The following SMIM13 variants were observed in gnomAD, a reference collection of about 807,000 sequenced individuals.
The protein encoded by SMIM13 is UPF0766 protein C6orf228.
In SMIM13, 3 loss-of-function variants were observed where a neutral mutation model predicts 5.9. The ratio of observed to expected loss-of-function variants is 0.51; its 90% CI spans 0.23 to 1.31. SMIM13 has a LOEUF of 1.31. Ranked by LOEUF, SMIM13 falls within the 40% of genes most tolerant of loss-of-function variation. The pLI is 0.18. For missense variants in SMIM13, 85 were observed against 109.9 expected (o/e 0.77, Z 1.01); for synonymous variants, 55 against 46.0 (o/e 1.19, Z -0.79).
rs536613850 is a variant in SMIM13 at position 11,134,659 on chromosome 6, C to A, written c.*57C>A. 235 of 1,269,554 alleles carry A rather than the reference C, an allele frequency of 1.9e-4. No individual in the cohort carries two copies. The highest frequency in any genetic ancestry group is 5.7e-4 in the Middle Eastern group (2 of 3,482). The allele number at this position is 1,269,554 out of a possible 1,614,324, so 78.6% of individuals were successfully genotyped here. ...GCCAGCTTCTGTCTTTTACTGACTT[C>A]GCTTTGAAATTTACTAATGACTGAA... is the stretch of plus-strand genomic sequence containing the variant. On this transcript the variant is annotated 3_prime_UTR_variant, in exon 2 of 2. Coordinates refer to ENST00000416247, the MANE Select transcript of SMIM13 (RefSeq NM_001135575.2).
At chr6:11,118,777 A>C (rs988751328) in intron 1 of SMIM13, among the ~76,000 whole-genome samples, 1 of 152,194 alleles carries the variant, frequency 6.6e-6, no homozygotes, top group African/African-American at 2.4e-5. Flanking sequence ...TAACAGAGCT[A>C]ATATTTGATG....
chr6:11,113,936 A>G (rs897665527), intron 1 of SMIM13, among the ~76,000 whole-genome samples: 1 of 148,170 alleles, frequency 6.7e-6, no homozygotes, highest in Non-Finnish European at 1.5e-5. Flanking sequence ...AGTCCTTCTT[A>G]TCAAGTTTTT....
intron 1 of SMIM13, among the ~76,000 whole-genome samples, chr6:11,113,683 GC>G (rs1158416043): frequency 6.6e-6 from 1 of 151,632 alleles, no homozygotes; most frequent in Non-Finnish European, 1.5e-5. Flanking sequence ...TCAAAAGGTT[GC>G]CCTGTTTCAG....
rs539147352 is a variant in SMIM13 at position 11,098,427 on chromosome 6, C to T, written c.76+4038C>T. On this transcript the variant is annotated intron_variant, in intron 1 of 1. Coordinates refer to ENST00000416247, the MANE Select transcript of SMIM13 (RefSeq NM_001135575.2). ...AGTGATGTCTGCTAGAAACATTTAA[C>T]GTTTCTTTTATTTACTTTTTTTGAG... Among the ~76,000 whole-genome samples, 10 of 152,218 alleles carry T rather than the reference C, an allele frequency of 6.6e-5. No individual in the cohort carries two copies. The East Asian group carries it at 7.7e-4, about 12-fold the overall frequency.
At chr6:11,128,803 A>G (rs1329368586) in intron 1 of SMIM13, among the ~76,000 whole-genome samples, 4 of 152,024 alleles carry the variant, frequency 2.6e-5, no homozygotes, top group Admixed American at 1.3e-4. Flanking sequence ...CTCCTATGAC[A>G]GGACAGCACT....
intron 1 of SMIM13, among the ~76,000 whole-genome samples, chr6:11,096,292 A>G (rs1352341588): frequency 6.6e-6 from 1 of 152,186 alleles, no homozygotes; most frequent in African/African-American, 2.4e-5. Flanking sequence ...TCCTATGTGC[A>G]TTTCACAATA....
At chr6:11,106,295 C>T (rs892476280) in intron 1 of SMIM13, among the ~76,000 whole-genome samples, 4 of 152,192 alleles carry the variant, frequency 2.6e-5, no homozygotes, top group Non-Finnish European at 4.4e-5. Context: ...CTGTGGTATG[C>T]AGGGAGCTGA....
intron 1 of SMIM13, among the ~76,000 whole-genome samples, chr6:11,128,467 TGAG>T (rs2113667150): frequency 6.6e-6 from 1 of 152,258 alleles, no homozygotes; most frequent in South Asian, 2.1e-4. Flanking sequence ...CCCCGACCTG[TGAG>T]CTGTACTGCT....
chr6:11,125,677 A>G (rs911232235), intron 1 of SMIM13, among the ~76,000 whole-genome samples: 1 of 152,152 alleles, frequency 6.6e-6, no homozygotes, highest in African/African-American at 2.4e-5. Flanking sequence ...TAAGGTTTCC[A>G]CTGAGAGATT....
At chr6:11,115,914 C>T (rs376376784) in intron 1 of SMIM13, among the ~76,000 whole-genome samples, 8 of 151,238 alleles carry the variant, frequency 5.3e-5, no homozygotes, top group East Asian at 1.9e-4. Flanking sequence ...CTCGAACTCC[C>T]GACCTCAGGT....
intron 1 of SMIM13, among the ~76,000 whole-genome samples, chr6:11,123,288 C>T (rs1184903329): frequency 6.6e-6 from 1 of 152,190 alleles, no homozygotes; most frequent in African/African-American, 2.4e-5. Flanking sequence ...CCTCAGTTCA[C>T]GAGAACCTTC....
In SMIM13 at chr6:11,134,716, T is replaced by TA. The variant is rs1276984438; in HGVS notation, c.*120dup. On this transcript the variant is annotated 3_prime_UTR_variant, in exon 2 of 2. Transcript: ENST00000416247. ...TTGTATTGGATTTTAAGTCGAATTT[T>TA]AAAAAAGATTTACATGTAAGCCATA... is the stretch of plus-strand genomic sequence containing the variant. 2.5e-5 allele frequency: 21 copies of TA among 841,652 alleles called. No individual in the cohort carries two copies. In the African/African-American group the frequency reaches 3.3e-4, roughly 13 times the overall value. The allele number at this position is 841,652 out of a possible 1,614,324, so 52.1% of individuals were successfully genotyped here.
In SMIM13 at chr6:11,134,653, T is replaced by C. The variant is rs372669441; in HGVS notation, c.*51T>C. 2.1e-4 allele frequency: 279 copies of C among 1,308,492 alleles called. No homozygotes were observed. Among genetic ancestry groups the C allele is most frequent in the Non-Finnish European group, 2.7e-4 (269 of 998,502 alleles). The allele number at this position is 1,308,492 out of a possible 1,614,324, so 81.1% of individuals were successfully genotyped here. A position where few individuals can be genotyped will look rare whatever the true frequency, so the allele number is the denominator to read the frequency against. ...GCAGTTGCCAGCTTCTGTCTTTTAC[T>C]GACTTCGCTTTGAAATTTACTAATG... On this transcript the variant is annotated 3_prime_UTR_variant, in exon 2 of 2. Coordinates refer to ENST00000416247, the MANE Select transcript of SMIM13 (RefSeq NM_001135575.2).
rs139146277 is a variant in SMIM13 at position 11,100,952 on chromosome 6, G to A, written c.76+6563G>A. 5.5e-3 allele frequency among the ~76,000 whole-genome samples: 826 copies of A among 149,816 alleles called. 3 individuals are homozygous for A. Among genetic ancestry groups the A allele is most frequent in the Middle Eastern group, 0.021 (6 of 282 alleles). ...GTGTGTGTCTCTTTCATTTTTCTAG[G>A]TCCCTTCAGTTCAGATTTTTTCCTC... is the stretch of plus-strand genomic sequence containing the variant. On this transcript the variant is annotated intron_variant, in intron 1 of 1. Transcript: ENST00000416247.
rs944751376 is a variant in SMIM13, at chr6:11,096,769, G to A, written c.76+2380G>A. ...GGCTGGAGTGCAATGGCGTGATCTC[G>A]GCTCACCGCAACCTCTGCCACCCGG... On this transcript the variant is annotated intron_variant, in intron 1 of 1. Coordinates refer to ENST00000416247, the MANE Select transcript of SMIM13 (RefSeq NM_001135575.2). Among the ~76,000 whole-genome samples the A allele has an allele frequency of 6.6e-5, 10 of 151,356 alleles. No individual in the cohort carries two copies. In the East Asian group the frequency reaches 1.7e-3, roughly 26 times the overall value.
intron 1 of SMIM13, among the ~76,000 whole-genome samples, chr6:11,122,534 C>T (rs1436041964): frequency 2.0e-5 from 3 of 150,462 alleles, no homozygotes; most frequent in Non-Finnish European, 3.0e-5. Flanking sequence ...AGGCCTGTGA[C>T]CTTTTTGCAG....
chr6:11,115,518 G>A (rs942637009), intron 1 of SMIM13, among the ~76,000 whole-genome samples: 5 of 152,128 alleles, frequency 3.3e-5, no homozygotes, highest in African/African-American at 4.8e-5. Context: ...ACCTAATTGA[G>A]TCAGGCCCAC....
At chr6:11,115,153 TC>T (rs1389167389) in intron 1 of SMIM13, among the ~76,000 whole-genome samples, 18 of 152,218 alleles carry the variant, frequency 1.2e-4, no homozygotes, top group African/African-American at 4.1e-4. Context: ...TGGGTACTGT[TC>T]CTGTCTCTTT....
intron 1 of SMIM13, among the ~76,000 whole-genome samples, chr6:11,122,238 T>G (rs1758321468): frequency 1.3e-5 from 2 of 152,240 alleles, no homozygotes; most frequent in Admixed American, 1.3e-4. Flanking sequence ...CTGTGTTTTC[T>G]AAAAACTCCT....
Sources: allele counts gnomAD v4.1 joint callset (sites outside exome capture counted in the v4.1 genomes callset), GRCh38; gene constraint gnomAD v4.1.1; transcripts MANE v1.5; gene names NCBI Gene and HGNC (gene_info 2026-07-23, HGNC 2026-07-21).